The following IL16 variants were observed in gnomAD, a reference collection of about 807,000 sequenced individuals.
The protein encoded by IL16 is pro-interleukin-16.
In IL16, 67 loss-of-function variants were observed where a neutral mutation model predicts 110.1. The ratio of observed to expected loss-of-function variants is 0.61; its 90% CI spans 0.50 to 0.75. The LOEUF (loss-of-function observed/expected upper bound fraction) is 0.75, where lower values mean the gene tolerates loss of function less well. Among genes scored for constraint, IL16 ranks in the 30% least tolerant of loss-of-function variants. The probability of loss-of-function intolerance (pLI) is 0.00; values close to 1 mark genes in which losing one functional copy is unlikely to be tolerated. For missense variants in IL16, 1,545 were observed against 1,655.0 expected (o/e 0.93, Z 1.15); for synonymous variants, 689 against 662.9 (o/e 1.04, Z -0.61).
rs529203806 is a variant in IL16, at chr15:81,235,523, C to G, written c.312+9812C>G. On this transcript the variant is annotated intron_variant, in intron 2 of 18. Coordinates refer to ENST00000683961, the MANE Select transcript of IL16 (RefSeq NM_172217.5). ...GTGACCCAAACACTTCCCACTAGGC[C>G]CCCCCTCCAACACTGGGGATCACCT... 2.7e-3 allele frequency among the ~76,000 whole-genome samples: 405 copies of G among 152,236 alleles called. 11 individuals carry two copies. The highest frequency in any genetic ancestry group is 0.026 in the Admixed American group (403 of 15,294).
intron 2 of IL16, among the ~76,000 whole-genome samples, chr15:81,238,665 A>T (rs1176917368): frequency 1.3e-5 from 2 of 152,182 alleles, no homozygotes; most frequent in Non-Finnish European, 2.9e-5. Context: ...AAAAAAACTC[A>T]TAAAGGGAAA....
intron 13 of IL16, 53 bp downstream of exon 13, chr15:81,297,131 A>C: frequency 1.3e-6 from 2 of 1,568,062 alleles, no homozygotes; most frequent in Non-Finnish European, 1.7e-6. Flanking sequence ...AAAAAGGTGC[A>C]GGGATAAGAT....
At chr15:81,244,654 T>G (rs1007339855) in intron 2 of IL16, among the ~76,000 whole-genome samples, 2 of 152,160 alleles carry the variant, frequency 1.3e-5, no homozygotes, top group African/African-American at 4.8e-5. Context: ...TATAATGGGC[T>G]TTTATGTATG....
intron 1 of IL16, among the ~76,000 whole-genome samples, chr15:81,214,740 T>G (rs1224129818): frequency 6.6e-6 from 1 of 152,216 alleles, no homozygotes; most frequent in Non-Finnish European, 1.5e-5. Flanking sequence ...TTCTCTCTCC[T>G]TTTCTCTCAG....
Position 81,313,543 on chromosome 15 carries a change from C to G in IL16, c.*4745C>G. On this transcript the variant is annotated 3_prime_UTR_variant, in exon 19 of 19. Transcript: ENST00000683961. ...GTCTCATCCCTTGCTGTGCCCTCCACCCAGGAGTCCTCTCTGGACCTGCTG... is the reference window on the plus strand; with the variant it reads ...GTCTCATCCCTTGCTGTGCCCTCCAGCCAGGAGTCCTCTCTGGACCTGCTG... 1 of 732,722 alleles carries G rather than the reference C, an allele frequency of 1.4e-6. No homozygotes were observed. The highest frequency in any genetic ancestry group is 3.9e-5 in the South Asian group (1 of 25,410). 45.4% of individuals were successfully genotyped at this position (732,722 alleles called of 1,614,324 possible).
At position 81,290,471 on chromosome 15, in the gene IL16, A is replaced by C; in HGVS notation, c.1351A>C (p.Lys451Gln). Reference sequence around the variant, plus strand: ...TTTCTAGGTCTCTGAACAGCAACTCAAAGAAGCTGTGGCCCAGGCTGTGGA... The same window carrying C: ...TTTCTAGGTCTCTGAACAGCAACTCCAAGAAGCTGTGGCCCAGGCTGTGGA... ...PDPQVSEQQL[K>Q]EAVAQAVENT... Residue 451 changes from lysine to glutamine, a missense_variant, in exon 11 of 19, where the codon AAA (lysine) becomes CAA (glutamine). This residue lies in a region of IL16 where 1,185 missense variants were observed against 1,238.8 expected (regional missense o/e 0.96). Transcript: ENST00000683961. 2 of 1,613,136 alleles carry C rather than the reference A, an allele frequency of 1.2e-6. No homozygotes were observed. The highest frequency in any genetic ancestry group is 1.7e-6 in the Non-Finnish European group (2 of 1,179,514).
chr15:81,269,915 T>C (rs540262696), intron 5 of IL16, among the ~76,000 whole-genome samples: 66 of 152,370 alleles, frequency 4.3e-4, no homozygotes, highest in Admixed American at 9.1e-4. Context: ...TGTTCTCTAA[T>C]TCATTCCTGG....
intron 4 of IL16, among the ~76,000 whole-genome samples, chr15:81,266,501 G>A (rs974559977): frequency 6.6e-6 from 1 of 152,176 alleles, no homozygotes; most frequent in African/African-American, 2.4e-5. Context: ...AGAGAGCTAA[G>A]CAGATATAAA....
At chr15:81,227,565 G>A (rs1896830778) in intron 2 of IL16, among the ~76,000 whole-genome samples, 2 of 152,268 alleles carry the variant, frequency 1.3e-5, no homozygotes, top group South Asian at 4.1e-4. Flanking sequence ...GAGGATGGTA[G>A]AAGACCAAGT....
At chr15:81,292,058 G>A (rs954719202) in intron 11 of IL16, 21 of 440,354 alleles carry the variant, frequency 4.8e-5, no homozygotes, top group Non-Finnish European at 6.4e-5. Flanking sequence ...CGGAGCTGAG[G>A]TGCACACCCA....
At chr15:81,224,197 G>A (rs7172525) in intron 1 of IL16, among the ~76,000 whole-genome samples, 19,638 of 152,216 alleles carry the variant, frequency 0.13, 2,667 homozygotes, top group African/African-American at 0.34. Flanking sequence ...GAGGATATGT[G>A]AAAGGGTTTT....
At chr15:81,246,238 T>A (rs181923678) in intron 2 of IL16, among the ~76,000 whole-genome samples, 4 of 151,616 alleles carry the variant, frequency 2.6e-5, no homozygotes, top group Admixed American at 6.6e-5. Flanking sequence ...TTTTAACATA[T>A]GCAGGGTCGT....
At chr15:81,231,493 C>T (rs28778676) in intron 2 of IL16, among the ~76,000 whole-genome samples, 19,351 of 152,128 alleles carry the variant, frequency 0.13, 1,514 homozygotes, top group South Asian at 0.3. Flanking sequence ...CCCTTTCAGC[C>T]TCCTGAGTAG....
At chr15:81,283,735 A>T (rs1269248340) in intron 9 of IL16, among the ~76,000 whole-genome samples, 1 of 152,232 alleles carries the variant, frequency 6.6e-6, no homozygotes, top group African/African-American at 2.4e-5. Context: ...GTTGGGCACC[A>T]TGGTTCACAC....
Position 81,273,122 on chromosome 15 carries a change from C to T in IL16, c.708C>T (p.Asp236=), listed in dbSNP as rs774201154. 1 of 1,613,656 alleles carries T rather than the reference C, an allele frequency of 6.2e-7. No individual in the cohort carries two copies. Among genetic ancestry groups the T allele is most frequent in the Non-Finnish European group, 8.5e-7 (1 of 1,179,698 alleles). Residue 236 remains aspartate, a synonymous_variant, in exon 6 of 19, where the codon GAC becomes GAT. Transcript: ENST00000683961. Reference sequence around the variant, plus strand: ...GCTTCAGCATCGTTGGGGGAAAAGACAGCATTTATGGCCCCATTGGGATTT... The same window carrying T: ...GCTTCAGCATCGTTGGGGGAAAAGATAGCATTTATGGCCCCATTGGGATTT... ...GLGFSIVGGK[D]SIYGPIGIYV...
chr15:81,205,688 T>C (rs1439102233), intron 1 of IL16, among the ~76,000 whole-genome samples: 1 of 151,972 alleles, frequency 6.6e-6, no homozygotes, highest in African/African-American at 2.4e-5. Context: ...AAAGAGACTC[T>C]CAGATTCAGT....
chr15:81,185,146 C>T (rs1355497865), intron 1 of IL16, among the ~76,000 whole-genome samples: 1 of 152,062 alleles, frequency 6.6e-6, no homozygotes, highest in Non-Finnish European at 1.5e-5. Context: ...ACCATCCCCC[C>T]AACGTCTCTC....
At position 81,308,899 on chromosome 15, in the gene IL16, G is replaced by T; in HGVS notation, c.*101G>T. On this transcript the variant is annotated 3_prime_UTR_variant, in exon 19 of 19. Coordinates refer to ENST00000683961, the MANE Select transcript of IL16 (RefSeq NM_172217.5). ...CTGCTGCCGCCCCACCCAGATGGGG[G>T]AAAGCACAGGTGGGCTTCCCAGTGG... 3 of 1,068,360 alleles carry T rather than the reference G, an allele frequency of 2.8e-6. No individual in the cohort carries two copies. Among genetic ancestry groups the T allele is most frequent in the Non-Finnish European group, 4.0e-6 (3 of 744,812 alleles). The allele number at this position is 1,068,360 out of a possible 1,614,324, so 66.2% of individuals were successfully genotyped here.
chr15:81,299,214 C>A, intron 13 of IL16, 166 bp from the exon 14 acceptor site: 1 of 1,070,610 alleles, frequency 9.3e-7, no homozygotes, highest in Non-Finnish European at 1.4e-6. Context: ...CTGTTGGCAG[C>A]TCAGTCAGGT....
Sources: gnomAD v4.1 joint callset for allele counts (sites outside exome capture counted in the v4.1 genomes callset) on GRCh38, gnomAD v4.1.1 for gene constraint, gnomAD v4.1.1 regional missense constraint, MANE v1.5 for transcripts, NCBI Gene and HGNC (gene_info 2026-07-23, HGNC 2026-07-21) for gene names.